Variants in CATSPER2 observed in about 807,000 individuals in gnomAD.
CATSPER2 encodes cation channel sperm-associated protein 2.
Under a neutral mutation model 68.8 loss-of-function variants are expected in CATSPER2, and 56 were observed. That is an observed-to-expected ratio of 0.81 (90% CI 0.66 to 1.02). The LOEUF is 1.02. Ranked by LOEUF, CATSPER2 falls within the 50% of genes least tolerant of loss-of-function variation. The probability of loss-of-function intolerance (pLI) is 0.00; values close to 1 mark genes in which losing one functional copy is unlikely to be tolerated. For synonymous variants in CATSPER2, 198 were observed against 229.9 expected (o/e 0.86, Z 1.26); for missense variants, 582 against 642.0 (o/e 0.91, Z 1.01).
At chr15:43,637,091 G>T (rs1424703858) in intron 7 of CATSPER2, among the ~76,000 whole-genome samples, 1 of 151,536 alleles carries the variant, frequency 6.6e-6, no homozygotes, top group East Asian at 1.9e-4. Context: ...CTAAAGTGCT[G>T]GGATTACAGG....
intron 1 of CATSPER2, 86 bp from the exon 2 acceptor site, chr15:43,648,149 C>T (rs1443073604): frequency 6.8e-7 from 1 of 1,477,892 alleles, no homozygotes; most frequent in South Asian, 1.1e-5. Context: ...TCCTCCCCAC[C>T]CTCTTTACCC....
In CATSPER2 at chr15:43,644,856, G is replaced by A. The variant is rs191014381; in HGVS notation, c.388+2194C>T. Among the ~76,000 whole-genome samples the A allele has an allele frequency of 1.9e-3, 296 of 152,056 alleles. 1 individual carries two copies. The highest frequency in any genetic ancestry group is 4.8e-3 in the Admixed American group (73 of 15,262). On this transcript the variant is annotated intron_variant, in intron 4 of 12. Transcript: ENST00000396879. The stretch of plus-strand genomic sequence containing the variant: ...GTTACTATTATTTACTTCATTCCAA[G>A]GCTTAGGACTATAATTCTAGCCATG...
At chr15:43,644,201 T>C (rs773036859) in intron 4 of CATSPER2, among the ~76,000 whole-genome samples, 7 of 151,992 alleles carry the variant, frequency 4.6e-5, no homozygotes, top group Non-Finnish European at 1.0e-4. Flanking sequence ...CACTTTGTGA[T>C]TGGAAAAAAA....
At chr15:43,636,019 G>A (rs1378044909) in intron 8 of CATSPER2, 22 bp downstream of exon 8, 4 of 1,498,776 alleles carry the variant, frequency 2.7e-6, no homozygotes, top group African/African-American at 1.4e-5. Flanking sequence ...TCCCAAACAA[G>A]TTTCACCTCC....
chr15:43,640,446 C>T lies in CATSPER2; in HGVS notation c.439G>A (p.Glu147Lys). ...AGCAAGATAAACCAAGCTGCCACCT[C>T]CAAGGTCAGCTTCAATGGCCATAGT... ...TKLWPLKLTLEVAAWFILLIF... is the reference protein window; with the variant it reads ...TKLWPLKLTLKVAAWFILLIF... Residue 147 changes from glutamate (E) to lysine (K), a missense_variant, in exon 5 of 13, where the codon GAG (glutamate) becomes AAG (lysine). Glu to Lys is a moderately conservative substitution (Grantham distance 56, BLOSUM62 1). Transcript: ENST00000396879. The T allele has an allele frequency of 6.2e-7, 1 of 1,613,238 alleles. No individual in the cohort carries two copies. The highest frequency in any genetic ancestry group is 1.7e-4 in the Middle Eastern group (1 of 6,056).
chr15:43,638,348 G>A (rs1397446319), intron 7 of CATSPER2, among the ~76,000 whole-genome samples: 1 of 138,626 alleles, frequency 7.2e-6, no homozygotes, highest in Non-Finnish European at 1.5e-5. Context: ...GAGTACAGTG[G>A]CACTATATCG....
At chr15:43,641,019 T>C (rs1262754833) in intron 4 of CATSPER2, among the ~76,000 whole-genome samples, 1 of 151,984 alleles carries the variant, frequency 6.6e-6, no homozygotes, top group Non-Finnish European at 1.5e-5. Flanking sequence ...AAACTTTTCC[T>C]TTCTTCCCTG....
In CATSPER2 at chr15:43,636,031, C is replaced by G; in HGVS notation, c.1021+10G>C. On this transcript the variant is annotated intron_variant, in intron 8 of 12. Coordinates refer to ENST00000396879, the MANE Select transcript of CATSPER2 (RefSeq NM_172095.4). ...ACTTCCCAAACAAGTTTCACCTCCT[C>G]TATGCTTACCCATCATGGCTACTAT... is the stretch of plus-strand genomic sequence containing the variant. The G allele has an allele frequency of 6.5e-7, 1 of 1,533,240 alleles. No homozygotes were observed. Among genetic ancestry groups the G allele is most frequent in the Non-Finnish European group, 9.0e-7 (1 of 1,112,336 alleles). The allele number at this position is 1,533,240 out of a possible 1,614,324, so 95.0% of individuals were successfully genotyped here.
intron 7 of CATSPER2, among the ~76,000 whole-genome samples, chr15:43,636,592 T>C (rs2085968751): frequency 6.6e-6 from 1 of 151,522 alleles, no homozygotes; most frequent in African/African-American, 2.4e-5. Flanking sequence ...GGTTTTGTCA[T>C]GTTGGCCAGG....
At position 43,635,753 on chromosome 15, in the gene CATSPER2, G is replaced by A. The variant is rs144799666; in HGVS notation, c.1095C>T (p.Asp365=). The A allele has an allele frequency of 1.2e-4, 186 of 1,613,310 alleles. 2 individuals carry two copies. Among genetic ancestry groups the A allele is most frequent in the East Asian group, 1.6e-4 (7 of 44,872 alleles). ...MARREVQLKA[D]MFKRQIIQRR... ...TCTGGATGATCTGCCGCTTGAACAT[G>A]TCAGCTTTGAGCTGAACCTCCCGAC... Residue 365 remains aspartate, a synonymous_variant, in exon 9 of 13, where the codon GAC becomes GAT. Coordinates refer to ENST00000396879, the MANE Select transcript of CATSPER2 (RefSeq NM_172095.4).
In CATSPER2 at chr15:43,638,948, G is replaced by A. The variant is rs2086017839; in HGVS notation, c.798C>T (p.Tyr266=). The A allele has an allele frequency of 1.2e-6, 2 of 1,613,190 alleles. No individual in the cohort carries two copies. Reference sequence around the variant, plus strand: ...CCAGGTCCTGACGAGGTGAACGGGTGTACTCTGAGAAGACGTAGACACCAG... The same window carrying A: ...CCAGGTCCTGACGAGGTGAACGGGTATACTCTGAGAAGACGTAGACACCAG... ...AVTGVYVFSE[Y]TRSPRQDLEY... The change falls in exon 7 of 13, where the codon TAC becomes TAT. Residue 266 remains tyrosine, a synonymous_variant. Transcript: ENST00000396879.
At position 43,631,528 on chromosome 15, in the gene CATSPER2, C is replaced by CT. The variant is rs768955053; in HGVS notation, c.1561+670dup. ...ACAGGTGTGAGCCACCGTGCCCGGC[C>CT]TTTTTTTTTCCTTTTAGAGGGAAAT... On this transcript the variant is annotated intron_variant, in intron 12 of 12. Coordinates refer to ENST00000396879, the MANE Select transcript of CATSPER2 (RefSeq NM_172095.4). 716 of 375,872 alleles carry CT rather than the reference C, an allele frequency of 1.9e-3. 1 individual carries two copies. Among genetic ancestry groups the CT allele is most frequent in the South Asian group, 4.3e-3 (201 of 46,582 alleles). The allele number at this position is 375,872 out of a possible 1,614,324, so 23.3% of individuals were successfully genotyped here. A position where few individuals can be genotyped will look rare whatever the true frequency, so the allele number is the denominator to read the frequency against.
intron 7 of CATSPER2, among the ~76,000 whole-genome samples, chr15:43,636,982 C>A (rs1317647258): frequency 6.6e-6 from 1 of 151,428 alleles, no homozygotes; most frequent in Non-Finnish European, 1.5e-5. Context: ...GCCACCATGC[C>A]CAGCTAATTT....
At chr15:43,641,195 C>T (rs891781976) in intron 4 of CATSPER2, among the ~76,000 whole-genome samples, 1 of 151,146 alleles carries the variant, frequency 6.6e-6, no homozygotes, top group Non-Finnish European at 1.5e-5. Flanking sequence ...TGTCTCACTG[C>T]AACCTCCACC....
intron 7 of CATSPER2, 56 bp from the exon 8 acceptor site, chr15:43,636,275 G>C: frequency 6.3e-7 from 1 of 1,599,404 alleles, no homozygotes; most frequent in South Asian, 1.1e-5. Flanking sequence ...TTTCAAAAAT[G>C]GTACCATTCT....
At chr15:43,630,820 T>C (rs17727871) in intron 12 of CATSPER2, 88 bp from the exon 13 acceptor site, 37,572 of 1,609,508 alleles carry the variant, frequency 0.023, 947 homozygotes, top group Middle Eastern at 0.04. Flanking sequence ...TTCTGGGTTC[T>C]AGGTTCCCTC....
chr15:43,646,990 T>G, intron 4 of CATSPER2, 60 bp downstream of exon 4: 1 of 1,435,756 alleles, frequency 7.0e-7, no homozygotes, highest in Non-Finnish European at 9.8e-7. Flanking sequence ...GTGCTAGGAT[T>G]ACACGTGTGA....
At chr15:43,644,699 C>T (rs1334627994) in intron 4 of CATSPER2, among the ~76,000 whole-genome samples, 4 of 151,948 alleles carry the variant, frequency 2.6e-5, no homozygotes. Flanking sequence ...AATCTAATGC[C>T]TGATGATCTG....
chr15:43,636,090 C>A lies in CATSPER2; in HGVS notation c.972G>T (p.Trp324Cys). The A allele has an allele frequency of 6.3e-7, 1 of 1,597,100 alleles. No homozygotes were observed. The highest frequency in any genetic ancestry group is 8.6e-7 in the Non-Finnish European group (1 of 1,166,902). The change falls in exon 8 of 13, where the codon TGG (tryptophan) becomes TGT (cysteine). Residue 324 changes from tryptophan (W) to cysteine (C), a missense_variant. Coordinates refer to ENST00000396879, the MANE Select transcript of CATSPER2 (RefSeq NM_172095.4). ...GAAAGATAATGGAGCCAAGCAACAA[C>A]CAAAGGATGAAATAGATGCTGCTGA... is the stretch of plus-strand genomic sequence containing the variant. ...RIFSSIYFIL[W>C]LLLGSIIFRS...
Sources: gnomAD v4.1 joint callset for allele counts (sites outside exome capture counted in the v4.1 genomes callset) on GRCh38, gnomAD v4.1.1 for gene constraint, MANE v1.5 for transcripts, NCBI Gene and HGNC (gene_info 2026-07-23, HGNC 2026-07-21) for gene names.